The following SOD2 variants were observed in gnomAD, a reference collection of about 807,000 sequenced individuals.
SOD2 encodes the protein superoxide dismutase [Mn], mitochondrial.
SOD2 carries 11 observed loss-of-function variants against 27.0 expected under a neutral mutation model. The ratio of observed to expected loss-of-function variants is 0.41; its 90% CI spans 0.26 to 0.67. The LOEUF (loss-of-function observed/expected upper bound fraction) is 0.67, where lower values mean the gene tolerates loss of function less well. Ranked by LOEUF, SOD2 falls within the 30% of genes least tolerant of loss-of-function variation. The pLI, the probability that SOD2 is intolerant of heterozygous loss-of-function variation, is 0.34. For missense variants in SOD2, 250 were observed against 274.5 expected (o/e 0.91, Z 0.63); for synonymous variants, 105 against 103.0 (o/e 1.02, Z -0.12).
At chr6:159,748,084 A>G (rs940016671), upstream of SOD2, 4 of 1,329,238 alleles carry the variant, frequency 3.0e-6, no homozygotes, top group African/African-American at 5.9e-5. This position sits in a 1 kb window ranked among gnomAD's most constrained non-coding sequence, Gnocchi z 5.6. Context: ...AGAGGGGAGG[A>G]GCTTAATGAA....
chr6:159,754,895 A>G, intron 1 of SOD2: 2 of 992,820 alleles, frequency 2.0e-6, no homozygotes, highest in East Asian at 5.5e-5. Flanking sequence ...AAATTTTTAA[A>G]TGTAGTGTGA....
chr6:159,716,225 A>G (rs536170559), intron 1 of SOD2, among the ~76,000 whole-genome samples: 2 of 152,352 alleles, frequency 1.3e-5, no homozygotes, highest in South Asian at 2.1e-4. Flanking sequence ...GGTTTTAAAT[A>G]TAAGGACATA....
upstream of SOD2, among the ~76,000 whole-genome samples, chr6:159,730,050 G>T (rs990786137): frequency 2.0e-5 from 3 of 152,122 alleles, no homozygotes; most frequent in Non-Finnish European, 4.4e-5. Context: ...ATAAATAACT[G>T]AAACTTTTAT....
intron 1 of SOD2, among the ~76,000 whole-genome samples, chr6:159,711,743 T>C (rs62437331): frequency 2.8e-3 from 170 of 59,964 alleles, no homozygotes; most frequent in Admixed American, 4.5e-3. Flanking sequence ...CAACCACCAC[T>C]CACATTGCTC....
intron 1 of SOD2, chr6:159,753,309 A>G: frequency 8.9e-7 from 1 of 1,122,554 alleles, no homozygotes; most frequent in South Asian, 1.5e-5. Flanking sequence ...CAGAAGATGG[A>G]TGTGTCCCAG....
At chr6:159,751,251 AG>A (rs1779810074) in intron 1 of SOD2, among the ~76,000 whole-genome samples, 1 of 152,242 alleles carries the variant, frequency 6.6e-6, no homozygotes, top group South Asian at 2.1e-4. Flanking sequence ...ATTTATTAAA[AG>A]GTATGACTTT....
intron 3 of SOD2, among the ~76,000 whole-genome samples, chr6:159,686,828 C>G (rs1780208367): frequency 6.6e-6 from 1 of 152,090 alleles, no homozygotes; most frequent in African/African-American, 2.4e-5. Context: ...GGGTGCATAT[C>G]CGGAGCCCAG....
chr6:159,745,002 C>T (rs1779490241), intron 1 of SOD2: 1 of 152,214 alleles, frequency 6.6e-6, no homozygotes, highest in Non-Finnish European at 1.5e-5. Flanking sequence ...TCTCTACCTT[C>T]TTAACACATT....
chr6:159,712,922 A>G, intron 1 of SOD2: 1 of 649,984 alleles, frequency 1.5e-6, no homozygotes, highest in Non-Finnish European at 2.8e-6. Context: ...AGCATTTAAA[A>G]AGGTCTCCCT....
At position 159,711,653 on chromosome 6, in the gene SOD2, C is replaced by T. The variant is rs183733571; in HGVS notation, c.-116+15476G>A. On this transcript the variant is annotated intron_variant, in intron 1 of 2. Transcript: ENST00000401980. ...TGACCACCATAACCACCTCCAATAC[C>T]ACCACTCACATTGCTCTGATCACCA... Among the ~76,000 whole-genome samples, 9 of 58,586 alleles carry T rather than the reference C, an allele frequency of 1.5e-4. 3 individuals are homozygous for T. The highest frequency in any genetic ancestry group is 1.4e-4 in the Non-Finnish European group (4 of 28,094). 38.4% of individuals were successfully genotyped at this position (58,586 alleles called of 152,430 possible).
intron 1 of SOD2, among the ~76,000 whole-genome samples, chr6:159,698,486 C>T (rs1242722957): frequency 1.4e-5 from 2 of 148,052 alleles, no homozygotes; most frequent in African/African-American, 2.5e-5. Context: ...GCAGGAGAAT[C>T]GCTTGAGCCT....
intron 1 of SOD2, among the ~76,000 whole-genome samples, chr6:159,699,822 C>T (rs1379741378): frequency 1.3e-5 from 2 of 151,866 alleles, no homozygotes; most frequent in African/African-American, 2.4e-5. Flanking sequence ...CCACACTGTA[C>T]ATCTACTCGG....
intron 1 of SOD2, among the ~76,000 whole-genome samples, chr6:159,758,267 A>C (rs1039480965): frequency 9.2e-5 from 14 of 152,052 alleles, no homozygotes; most frequent in African/African-American, 1.9e-4. Context: ...AAAAAAAAAA[A>C]AACCACAGAC....
Position 159,692,840 on chromosome 6 carries a change from A to G in SOD2, c.47T>C (p.Val16Ala), listed in dbSNP as rs4880. The G allele has an allele frequency of 0.49, 789,318 of 1,610,644 alleles. 197,521 individuals are homozygous for G. The highest frequency in any genetic ancestry group is 0.59 in the Admixed American group (35,351 of 59,558). The change falls in exon 2 of 5, where the codon GTT (valine) becomes GCT (alanine). Residue 16 changes from valine (V) to alanine (A), a missense_variant. Physicochemically the swap from Val to Ala is moderately conservative, Grantham distance 64. Coordinates refer to ENST00000538183, the MANE Select transcript of SOD2 (RefSeq NM_000636.4). ...VCGTSRQLAP[V>A]LGYLGSRQKH... The stretch of plus-strand genomic sequence containing the variant: ...CTGCCTGGAGCCCAGATACCCCAAA[A>G]CCGGAGCCAGCTGCCTGCTGGTGCT...
chr6:159,751,999 G>T (rs917751620), intron 1 of SOD2, among the ~76,000 whole-genome samples: 3 of 150,586 alleles, frequency 2.0e-5, no homozygotes, highest in Admixed American at 1.3e-4. Flanking sequence ...GGACGTCAAG[G>T]CTCCAGTGAG....
intron 1 of SOD2, among the ~76,000 whole-genome samples, chr6:159,707,859 A>G: frequency 1.3e-5 from 2 of 152,196 alleles, no homozygotes; most frequent in East Asian, 1.9e-4. Flanking sequence ...CATTGATGCA[A>G]AAATCCTCAA....
intron 1 of SOD2, among the ~76,000 whole-genome samples, chr6:159,750,977 CCAGTT>C (rs754712083): frequency 1.3e-5 from 2 of 152,286 alleles, no homozygotes; most frequent in East Asian, 1.9e-4. Context: ...AATAACCTGT[CCAGTT>C]CAGTTAAAAT....
chr6:159,711,506 T>C lies in SOD2; in HGVS notation c.-116+15623A>G, dbSNP rs372656020. Reference sequence around the variant, plus strand: ...ACAACCACCACTCACATTGCTCTGATCACCATAACCACCTCCATAACCACC... The same window carrying C: ...ACAACCACCACTCACATTGCTCTGACCACCATAACCACCTCCATAACCACC... On this transcript the variant is annotated intron_variant, in intron 1 of 2. Transcript: ENST00000401980. Among the ~76,000 whole-genome samples the C allele has an allele frequency of 3.0e-4, 30 of 99,890 alleles. No individual in the cohort carries two copies. The East Asian group carries it at 5.2e-3, about 17-fold the overall frequency. The allele number at this position is 99,890 out of a possible 152,430, so 65.5% of individuals were successfully genotyped here.
Position 159,712,073 on chromosome 6 carries a change from C to A in SOD2, c.-116+15056G>T, listed in dbSNP as rs1405090771. ...CACCTCCATAACCACCACTCGGCTGCTCAGACCTCCATAACCACCTCCATA... is the reference window on the plus strand; with the variant it reads ...CACCTCCATAACCACCACTCGGCTGATCAGACCTCCATAACCACCTCCATA... On this transcript the variant is annotated intron_variant, in intron 1 of 2. Coordinates refer to the SOD2 transcript ENST00000401980. Among the ~76,000 whole-genome samples, 54 of 32,630 alleles carry A rather than the reference C, an allele frequency of 1.7e-3. 13 individuals are homozygous for A. The highest frequency in any genetic ancestry group is 3.2e-3 in the Non-Finnish European group (43 of 13,232). The allele number at this position is 32,630 out of a possible 152,430, so 21.4% of individuals were successfully genotyped here. A position where few individuals can be genotyped will look rare whatever the true frequency, so the allele number is the denominator to read the frequency against.
Sources: allele counts gnomAD v4.1 joint callset (sites outside exome capture counted in the v4.1 genomes callset), GRCh38; gene constraint gnomAD v4.1.1; non-coding constraint Gnocchi (gnomAD v3.1); transcripts MANE v1.5; gene names NCBI Gene and HGNC (gene_info 2026-07-23, HGNC 2026-07-21).